SAR1B: variants seen among roughly 807,000 people sequenced by gnomAD.
The protein encoded by SAR1B is secretion associated Ras related GTPase 1B.
A neutral mutation model predicts 26.8 loss-of-function variants in SAR1B; 23 were observed. The ratio of observed to expected loss-of-function variants is 0.86; its 90% CI spans 0.62 to 1.22. The LOEUF (loss-of-function observed/expected upper bound fraction) is 1.22, where lower values mean the gene tolerates loss of function less well. Ranked by LOEUF, SAR1B falls within the 50% of genes most tolerant of loss-of-function variation. The probability of loss-of-function intolerance (pLI) is 0.00; values close to 1 mark genes in which losing one functional copy is unlikely to be tolerated. For missense variants in SAR1B, 196 were observed against 232.8 expected, an observed-to-expected ratio of 0.84 and a Z score of 1.03; for synonymous variants, 65 against 80.8, an observed-to-expected ratio of 0.80 and a Z score of 1.05.
intron 1 of SAR1B, among the ~76,000 whole-genome samples, chr5:134,629,159 T>A (rs1396759910): frequency 1.3e-5 from 2 of 148,884 alleles, no homozygotes; most frequent in African/African-American, 4.9e-5. Context: ...TGATGGCTCA[T>A]ACCTGTAATC....
chr5:134,627,527 G>C (rs1298594420), intron 1 of SAR1B, among the ~76,000 whole-genome samples: 1 of 150,996 alleles, frequency 6.6e-6, no homozygotes, highest in African/African-American at 2.4e-5. Context: ...GGCCGGGCGT[G>C]GTGGCTCACG....
At chr5:134,617,243 AT>A (rs751904019) in intron 3 of SAR1B, among the ~76,000 whole-genome samples, 1 of 151,964 alleles carries the variant, frequency 6.6e-6, no homozygotes, top group African/African-American at 2.4e-5. Context: ...AAAAAAAAAA[AT>A]AATAATAACT....
At chr5:134,607,495 G>A (rs11749469) in intron 6 of SAR1B, among the ~76,000 whole-genome samples, 1,599 of 152,206 alleles carry the variant, frequency 0.011, 20 homozygotes, top group Middle Eastern at 0.037. Flanking sequence ...CCTGCGGACC[G>A]GGCGTGGTGG....
intron 3 of SAR1B, among the ~76,000 whole-genome samples, chr5:134,617,416 C>A (rs1216573265): frequency 1.3e-5 from 2 of 151,838 alleles, no homozygotes. Context: ...AAAATGTTTT[C>A]TTTTCCACAC....
chr5:134,620,809 A>C, intron 3 of SAR1B, 124 bp downstream of exon 3: 2 of 1,114,516 alleles, frequency 1.8e-6, no homozygotes, highest in Non-Finnish European at 2.7e-6. Context: ...AACTGTGATC[A>C]TACCACTGCA....
At chr5:134,610,746 TA>T (rs199634765) in intron 4 of SAR1B, among the ~76,000 whole-genome samples, 1 of 150,244 alleles carries the variant, frequency 6.7e-6, no homozygotes, top group Non-Finnish European at 1.5e-5. Flanking sequence ...AAAAAATAAT[TA>T]AAAAAAAACC....
chr5:134,617,842 C>A (rs574290298), intron 3 of SAR1B, among the ~76,000 whole-genome samples: 4 of 152,042 alleles, frequency 2.6e-5, no homozygotes, highest in Non-Finnish European at 4.4e-5. Flanking sequence ...CCACCGTGTC[C>A]GGCTAATTTT....
At position 134,627,086 on chromosome 5, in the gene SAR1B, CT is replaced by C. The variant is rs1765505345; in HGVS notation, c.-18-3050del. 3.3e-5 allele frequency among the ~76,000 whole-genome samples: 5 copies of C among 152,010 alleles called. No homozygotes were observed. The South Asian group carries it at 8.3e-4, about 25-fold the overall frequency. On this transcript the variant is annotated intron_variant, in intron 1 of 6. Transcript: ENST00000402673. ...TTTTTTTTTTGAGACAGAGTCTCGC[CT>C]GTCGCCCAGGATGGAGTGCACTGGC...
chr5:134,608,642 A>T, intron 5 of SAR1B, 139 bp from the exon 6 acceptor site: 1 of 927,278 alleles, frequency 1.1e-6, no homozygotes, highest in Non-Finnish European at 1.7e-6. Flanking sequence ...CTTTCCCCAC[A>T]TTTTAAAGTG....
In SAR1B at chr5:134,603,523, G is replaced by A. The variant is rs146678490; in HGVS notation, c.*3427C>T. 969 of 152,364 alleles carry A rather than the reference G, an allele frequency of 6.4e-3. 8 individuals carry two copies. The highest frequency in any genetic ancestry group is 7.9e-3 in the Non-Finnish European group (540 of 68,068). The allele number at this position is 152,364 out of a possible 1,614,324, so 9.4% of individuals were successfully genotyped here. A position where few individuals can be genotyped will look rare whatever the true frequency, so the allele number is the denominator to read the frequency against. On this transcript the variant is annotated 3_prime_UTR_variant, in exon 7 of 7. Transcript: ENST00000402673. ...AGTATGGGCCAGTTGAAAATTGGCCGGGCATGGCGGCTCACGCCTGTAATC... is the reference window on the plus strand; with the variant it reads ...AGTATGGGCCAGTTGAAAATTGGCCAGGCATGGCGGCTCACGCCTGTAATC...
At chr5:134,607,966 T>C (rs193127198) in intron 6 of SAR1B, among the ~76,000 whole-genome samples, 2 of 152,312 alleles carry the variant, frequency 1.3e-5, no homozygotes, top group East Asian at 1.9e-4. Flanking sequence ...TTAAAGCTTA[T>C]TATAAAGTAT....
intron 3 of SAR1B, among the ~76,000 whole-genome samples, chr5:134,619,725 G>A (rs1580652957): frequency 6.6e-6 from 1 of 152,074 alleles, no homozygotes; most frequent in African/African-American, 2.4e-5. Flanking sequence ...ATTCTGTGGT[G>A]TACATTAGAT....
In SAR1B at chr5:134,605,817, G is replaced by A. The variant is rs954657719; in HGVS notation, c.*1133C>T. 1 of 152,116 alleles carries A rather than the reference G, an allele frequency of 6.6e-6. No individual in the cohort carries two copies. Among genetic ancestry groups the A allele is most frequent in the African/African-American group, 2.4e-5 (1 of 41,410 alleles). 9.4% of individuals were successfully genotyped at this position (152,116 alleles called of 1,614,324 possible). A position where few individuals can be genotyped will look rare whatever the true frequency, so the allele number is the denominator to read the frequency against. The stretch of plus-strand genomic sequence containing the variant: ...TGCCAAAGAATACAAAAGAGCTATA[G>A]GATAGGAACAAAATCTCCACATATC... On this transcript the variant is annotated 3_prime_UTR_variant, in exon 7 of 7. Transcript: ENST00000402673.
In SAR1B at chr5:134,626,097, A is replaced by G. The variant is rs189927513; in HGVS notation, c.-18-2060T>C. ...GTGGATCACCTGAGGTCAGGAGTTC[A>G]AGATCAGCCTGGCCAACGTGGCAAA... On this transcript the variant is annotated intron_variant, in intron 1 of 6. Transcript: ENST00000402673. Among the ~76,000 whole-genome samples, 315 of 151,900 alleles carry G rather than the reference A, an allele frequency of 2.1e-3. 2 individuals carry two copies. The highest frequency in any genetic ancestry group is 7.3e-3 in the African/African-American group (301 of 41,448).
In SAR1B at chr5:134,612,684, A is replaced by C. The variant is rs750501980; in HGVS notation, c.244+7T>G. The C allele has an allele frequency of 9.8e-7, 1 of 1,017,752 alleles. No individual in the cohort carries two copies. The highest frequency in any genetic ancestry group is 1.4e-6 in the Non-Finnish European group (1 of 711,308). 63.0% of individuals were successfully genotyped at this position (1,017,752 alleles called of 1,614,324 possible). On this transcript the variant is annotated splice_region_variant and intron_variant, in intron 4 of 6. Coordinates refer to ENST00000402673, the MANE Select transcript of SAR1B (RefSeq NM_016103.4). ...AAAAAAAAAAAAAAAAAAAAAAAGA[A>C]TCTTACCTTGAACATGTCCACCCAG...
intron 1 of SAR1B, among the ~76,000 whole-genome samples, chr5:134,628,960 A>T (rs1453145230): frequency 2.6e-5 from 4 of 151,970 alleles, no homozygotes; most frequent in Non-Finnish European, 5.9e-5. Flanking sequence ...GGTACAAAAA[A>T]TTTTTTAAAT....
intron 3 of SAR1B, chr5:134,613,345 T>C (rs191789504): frequency 6.5e-6 from 1 of 152,802 alleles, no homozygotes; most frequent in East Asian, 1.9e-4. Flanking sequence ...GGAAATTAAA[T>C]TTATGTTCAA....
intron 3 of SAR1B, among the ~76,000 whole-genome samples, chr5:134,616,771 G>T (rs1277935525): frequency 6.6e-6 from 1 of 152,106 alleles, no homozygotes; most frequent in Non-Finnish European, 1.5e-5. Context: ...CATATAAATG[G>T]TATCATACAG....
chr5:134,625,804 A>G (rs550825110), intron 1 of SAR1B: 2 of 152,284 alleles, frequency 1.3e-5, no homozygotes, highest in East Asian at 3.9e-4. Flanking sequence ...ACTGATACAG[A>G]CTGTGAATCA....
Sources: gnomAD v4.1 joint callset for allele counts (sites outside exome capture counted in the v4.1 genomes callset) on GRCh38, gnomAD v4.1.1 for gene constraint, MANE v1.5 for transcripts, NCBI Gene and HGNC (gene_info 2026-07-23, HGNC 2026-07-21) for gene names.